MSTO1: variants seen among roughly 807,000 people sequenced by gnomAD.
MSTO1 encodes protein misato homolog 1.
A neutral mutation model predicts 55.7 loss-of-function variants in MSTO1; 24 were observed. The observed-to-expected ratio is 0.43, with a 90% CI of 0.31 to 0.61. The LOEUF (loss-of-function observed/expected upper bound fraction) is 0.61. MSTO1 is among the 20% of genes least tolerant of loss of function. The pLI is 0.09. For synonymous variants in MSTO1, 162 were observed against 252.8 expected, an observed-to-expected ratio of 0.64 and a Z score of 3.41; for missense variants, 363 against 625.7, an observed-to-expected ratio of 0.58 and a Z score of 4.48.
At chr1:155,580,404 G>A in the MSTO1 span, among the ~76,000 whole-genome samples, 1 of 152,038 alleles carries the variant, frequency 6.6e-6, no homozygotes, top group Admixed American at 6.6e-5. Context: ...GCGTGGTGGT[G>A]TGCACCTGTG....
At chr1:155,602,478 A>AAAC in the MSTO1 span, among the ~76,000 whole-genome samples, 1 of 152,104 alleles carries the variant, frequency 6.6e-6, no homozygotes, top group Non-Finnish European at 1.5e-5. Flanking sequence ...CTCCATCTCA[A>AAAC]AACAACAACA....
chr1:155,606,198 C>CA (rs1672931661), upstream of MSTO1, among the ~76,000 whole-genome samples: 5 of 28,090 alleles, frequency 1.8e-4, no homozygotes, highest in Admixed American at 2.5e-3. Context: ...CATGCCCAGC[C>CA]TTTTTTTTTT....
the MSTO1 span, among the ~76,000 whole-genome samples, chr1:155,578,677 A>AT: frequency 6.7e-6 from 1 of 148,730 alleles, no homozygotes; most frequent in Non-Finnish European, 1.5e-5. Flanking sequence ...CGCCCGGCTA[A>AT]TTTTTTGTAT....
At chr1:155,588,647 A>G in the MSTO1 span, among the ~76,000 whole-genome samples, 1 of 152,170 alleles carries the variant, frequency 6.6e-6, no homozygotes, top group South Asian at 2.1e-4. Flanking sequence ...TTTATGGTCC[A>G]TGTTCTCCAG....
chr1:155,608,492 ATC>A (rs1673029960), upstream of MSTO1, among the ~76,000 whole-genome samples: 1 of 141,812 alleles, frequency 7.1e-6, no homozygotes, highest in Non-Finnish European at 1.5e-5. Context: ...TATTTGCCTT[ATC>A]TCTTTTTTTT....
At chr1:155,608,273 C>T (rs1386940621), upstream of MSTO1, among the ~76,000 whole-genome samples, 3 of 152,174 alleles carry the variant, frequency 2.0e-5, no homozygotes, top group East Asian at 5.8e-4. Flanking sequence ...AAGCGATCCT[C>T]TCACCCTAGC....
chr1:155,609,366 C>T (rs1057242925), upstream of MSTO1, among the ~76,000 whole-genome samples: 1 of 150,022 alleles, frequency 6.7e-6, no homozygotes, highest in Non-Finnish European at 1.5e-5. Flanking sequence ...CTGCCTCAGC[C>T]TCCCGAGTAG....
the MSTO1 span, among the ~76,000 whole-genome samples, chr1:155,586,284 C>T: frequency 6.7e-6 from 1 of 148,742 alleles, no homozygotes; most frequent in Non-Finnish European, 1.5e-5. Context: ...CTCAGGTGAT[C>T]CACCCGCCTC....
At chr1:155,595,430 G>A in the MSTO1 span, among the ~76,000 whole-genome samples, 7 of 151,418 alleles carry the variant, frequency 4.6e-5, no homozygotes, top group Admixed American at 1.3e-4. Flanking sequence ...TGCGTGCCTC[G>A]GCCTCCCAAA....
the MSTO1 span, chr1:155,586,836 C>T: frequency 3.9e-4 from 104 of 267,640 alleles, 3 homozygotes; most frequent in South Asian, 3.8e-3. Context: ...CAACCTCTGC[C>T]TTCCAGGTTC....
chr1:155,598,251 G>A, the MSTO1 span, among the ~76,000 whole-genome samples: 3 of 152,144 alleles, frequency 2.0e-5, no homozygotes, highest in South Asian at 6.2e-4. Context: ...AAAGTAGCTG[G>A]GATTACAGGC....
chr1:155,592,646 C>T, the MSTO1 span, among the ~76,000 whole-genome samples: 5 of 151,824 alleles, frequency 3.3e-5, no homozygotes, highest in African/African-American at 1.2e-4. Flanking sequence ...CTGTGGCTCC[C>T]GGGTTCAAGT....
At chr1:155,601,732 C>A in the MSTO1 span, among the ~76,000 whole-genome samples, 25 of 152,024 alleles carry the variant, frequency 1.6e-4, no homozygotes, top group Non-Finnish European at 2.8e-4. Context: ...GCCTGGTTTT[C>A]TTCTGCCTTT....
chr1:155,609,237 ATATATATTTTTTT>A (rs1228010705), upstream of MSTO1, among the ~76,000 whole-genome samples: 10 of 49,126 alleles, frequency 2.0e-4, no homozygotes, highest in Admixed American at 4.5e-4. Context: ...ATATATATAT[ATATATATTTTTTT>A]TTTTTTTTTT....
the MSTO1 span, among the ~76,000 whole-genome samples, chr1:155,574,463 TATATATATATAG>T: frequency 6.6e-6 from 1 of 151,794 alleles, no homozygotes; most frequent in Non-Finnish European, 1.5e-5. Flanking sequence ...TATAGTTGTA[TATATATATATAG>T]ACATATATAT....
At chr1:155,606,198 C>CTTTTTTTTTTTTTTTTTTT (rs747681932), upstream of MSTO1, among the ~76,000 whole-genome samples, 5 of 28,104 alleles carry the variant, frequency 1.8e-4, no homozygotes, top group Non-Finnish European at 3.5e-4. Flanking sequence ...CATGCCCAGC[C>CTTTTTTTTTTTTTTTTTTT]TTTTTTTTTT....
the MSTO1 span, among the ~76,000 whole-genome samples, chr1:155,601,911 T>A: frequency 6.6e-6 from 1 of 152,000 alleles, no homozygotes; most frequent in South Asian, 2.1e-4. Context: ...CCTGCCACTA[T>A]GCCCAGCTAA....
chr1:155,593,833 G>A, the MSTO1 span, among the ~76,000 whole-genome samples: 9 of 152,122 alleles, frequency 5.9e-5, no homozygotes, highest in African/African-American at 2.2e-4. Flanking sequence ...GCCGGGTGTG[G>A]TGGCAGGCGC....
At chr1:155,581,059 T>C in the MSTO1 span, among the ~76,000 whole-genome samples, 2 of 152,202 alleles carry the variant, frequency 1.3e-5, no homozygotes, top group Non-Finnish European at 2.9e-5. Context: ...AAAATGTCTT[T>C]TTACATGCAT....
Sources: gnomAD v4.1 joint callset for allele counts (sites outside exome capture counted in the v4.1 genomes callset) on GRCh38, gnomAD v4.1.1 for gene constraint, MANE v1.5 for transcripts, NCBI Gene and HGNC (gene_info 2026-07-23, HGNC 2026-07-21) for gene names.